Variants in ERCC5 observed in about 807,000 individuals in gnomAD.
The protein encoded by ERCC5 is DNA excision repair protein ERCC-5.
Under a neutral mutation model 105.6 loss-of-function variants are expected in ERCC5, and 68 were observed. The ratio of observed to expected loss-of-function variants is 0.64; its 90% CI spans 0.53 to 0.79. The LOEUF is 0.79. Among genes scored for constraint, ERCC5 ranks in the 30% least tolerant of loss-of-function variants. ERCC5 has a pLI of 0.00. For synonymous variants in ERCC5, 546 were observed against 526.2 expected (o/e 1.04, Z -0.51); for missense variants, 1,373 against 1,426.7 (o/e 0.96, Z 0.61).
chr13:102,866,376 A>T lies in ERCC5; in HGVS notation c.2314A>T (p.Ser772Cys). Residue 772 changes from serine to cysteine, a missense_variant, in exon 10 of 15, where the codon AGC becomes TGC. Around this residue, in one of 3 missense-constraint regions of ERCC5, gnomAD observed 1,004 missense variants for 1,059.7 expected, o/e 0.95. Transcript: ENST00000652225. ...ATVTGQMFLE[S>C]QELLRLFGIP... is the part of the protein sequence containing the mutation. Reference sequence around the variant, plus strand: ...TGTCACCGGACAGATGTTCCTGGAAAGCCAGGTGGGTGCAGGCAGCTTGGG... The same window carrying T: ...TGTCACCGGACAGATGTTCCTGGAATGCCAGGTGGGTGCAGGCAGCTTGGG... The T allele has an allele frequency of 6.2e-7, 1 of 1,614,144 alleles. No individual in the cohort carries two copies. Among genetic ancestry groups the T allele is most frequent in the Non-Finnish European group, 8.5e-7 (1 of 1,179,962 alleles).
intron 11 of ERCC5, 134 bp downstream of exon 11, chr13:102,866,979 A>T (rs575694471): frequency 1.1e-6 from 1 of 908,842 alleles, no homozygotes; most frequent in African/African-American, 1.7e-5. Flanking sequence ...TATATGAGTG[A>T]TCTTTGGCTT....
At chr13:102,864,272 T>C (rs1194291000) in intron 8 of ERCC5, among the ~76,000 whole-genome samples, 1 of 152,190 alleles carries the variant, frequency 6.6e-6, no homozygotes, top group Non-Finnish European at 1.5e-5. Context: ...TATATAAATA[T>C]GCTGTTCCTG....
chr13:102,875,196 C>T (rs1883169740), intron 14 of ERCC5, 111 bp from the exon 15 acceptor site: 1 of 1,220,758 alleles, frequency 8.2e-7, no homozygotes, highest in Non-Finnish European at 1.1e-6. Context: ...AATTAATATT[C>T]TCTGACATAG....
rs778806149 is a variant in ERCC5, at chr13:102,858,331, C to T, written c.585C>T (p.Ser195=). The change falls in exon 6 of 15, where the codon AGC becomes AGT. Residue 195 remains serine (S), a synonymous_variant. Coordinates refer to ENST00000652225, the MANE Select transcript of ERCC5 (RefSeq NM_000123.4). The part of the protein sequence containing the change: ...AIDIESEDFS[S]LPPEVKHEIL... The stretch of plus-strand genomic sequence containing the variant: ...ATATTGAGTCTGAGGACTTCAGCAG[C>T]CTGCCCCCTGAAGTAAAGCATGAAA... 1.2e-6 allele frequency: 2 copies of T among 1,614,110 alleles called. No individual in the cohort carries two copies. The highest frequency in any genetic ancestry group is 4.5e-5 in the East Asian group (2 of 44,862).
chr13:102,872,525 G>T lies in ERCC5; in HGVS notation c.2879+127G>T, dbSNP rs1038450421. 6.9e-6 allele frequency: 8 copies of T among 1,156,552 alleles called. No homozygotes were observed. The African/African-American group carries it at 1.1e-4, about 16-fold the overall frequency. The allele number at this position is 1,156,552 out of a possible 1,614,324, so 71.6% of individuals were successfully genotyped here. A position where few individuals can be genotyped will look rare whatever the true frequency, so the allele number is the denominator to read the frequency against. On this transcript the variant is annotated intron_variant, in intron 13 of 14. Transcript: ENST00000652225. ...GTTAATCCCATTTTCTTAATATCCC[G>T]CTCTCCTTTTCACTCTTTCTTCCCT...
Position 102,866,380 on chromosome 13 carries a change from A to G in ERCC5, c.2318A>G (p.Gln773Arg), listed in dbSNP as rs1369467420. Reference protein sequence around the residue: ...TVTGQMFLESQELLRLFGIPY... With the variant: ...TVTGQMFLESRELLRLFGIPY... ...ACCGGACAGATGTTCCTGGAAAGCC[A>G]GGTGGGTGCAGGCAGCTTGGGTTTC... The change falls in exon 10 of 15, where the codon CAG becomes CGG. Residue 773 changes from glutamine to arginine, a missense_variant and splice_region_variant. Transcript: ENST00000652225. 1 of 1,614,134 alleles carries G rather than the reference A, an allele frequency of 6.2e-7. No individual in the cohort carries two copies. Among genetic ancestry groups the G allele is most frequent in the South Asian group, 1.1e-5 (1 of 91,086 alleles).
At chr13:102,846,860 C>T (rs1384138277) in intron 1 of ERCC5, among the ~76,000 whole-genome samples, 2 of 152,184 alleles carry the variant, frequency 1.3e-5, no homozygotes, top group Non-Finnish European at 2.9e-5. Flanking sequence ...GTCTTAGCGG[C>T]CTGTGCATCC....
intron 1 of ERCC5, among the ~76,000 whole-genome samples, chr13:102,846,784 G>A (rs1468346112): frequency 1.3e-5 from 2 of 152,044 alleles, no homozygotes; most frequent in African/African-American, 4.8e-5. Context: ...TTTTTGATCC[G>A]TGGTAGGTTG....
Position 102,865,002 on chromosome 13 carries a change from T to A in ERCC5, c.1955-665T>A, listed in dbSNP as rs1054059433. On this transcript the variant is annotated intron_variant, in intron 8 of 14. Transcript: ENST00000652225. The surrounding 1 kb of genome is among the most constrained non-coding windows in gnomAD (Gnocchi z 4.0). ...TACATCTGCTTATTCTCCCTGGATA[T>A]GTAACCATCTCCCCCTCCCACTGGC... is the stretch of plus-strand genomic sequence containing the variant. The A allele has an allele frequency of 2.6e-5, 4 of 154,056 alleles. No homozygotes were observed. Among genetic ancestry groups the A allele is most frequent in the African/African-American group, 9.7e-5 (4 of 41,444 alleles). The allele number at this position is 154,056 out of a possible 1,614,324, so 9.5% of individuals were successfully genotyped here. A position where few individuals can be genotyped will look rare whatever the true frequency, so the allele number is the denominator to read the frequency against.
chr13:102,860,319 T>G (rs568971339), intron 6 of ERCC5, among the ~76,000 whole-genome samples: 1 of 152,332 alleles, frequency 6.6e-6, no homozygotes, highest in South Asian at 2.1e-4. Context: ...CTATCTGTGA[T>G]ATTGTGAAGA....
intron 6 of ERCC5, among the ~76,000 whole-genome samples, chr13:102,859,131 T>C (rs1882533021): frequency 6.6e-6 from 1 of 152,232 alleles, no homozygotes; most frequent in Admixed American, 6.5e-5. Flanking sequence ...TATTGATGAC[T>C]CCCTGTCTTA....
intron 6 of ERCC5, among the ~76,000 whole-genome samples, chr13:102,860,099 C>T (rs777326288): frequency 3.3e-5 from 5 of 152,040 alleles, no homozygotes; most frequent in Non-Finnish European, 5.9e-5. Flanking sequence ...TCAACTGTCG[C>T]GATATTGCAG....
At chr13:102,871,961 T>C (rs1883048224) in intron 12 of ERCC5, among the ~76,000 whole-genome samples, 1 of 152,202 alleles carries the variant, frequency 6.6e-6, no homozygotes, top group South Asian at 2.1e-4. Flanking sequence ...ATGGCTTGTG[T>C]GATGATTGGG....
chr13:102,846,127 G>T lies in ERCC5; in HGVS notation c.-140G>T. 1.5e-6 allele frequency: 1 copy of T among 667,766 alleles called. No individual in the cohort carries two copies. The highest frequency in any genetic ancestry group is 2.6e-6 in the Non-Finnish European group (1 of 380,678). The allele number at this position is 667,766 out of a possible 1,614,324, so 41.4% of individuals were successfully genotyped here. A position where few individuals can be genotyped will look rare whatever the true frequency, so the allele number is the denominator to read the frequency against. ...TAGTGCCGTCCCCCACTGGAAAACC[G>T]TGGCTTCTGTATTATTTGCCATCTT... On this transcript the variant is annotated 5_prime_UTR_variant, in exon 1 of 15. Coordinates refer to ENST00000652225, the MANE Select transcript of ERCC5 (RefSeq NM_000123.4).
rs1225959583 is a variant in ERCC5 at position 102,865,723 on chromosome 13, C to T, written c.2011C>T (p.Pro671Ser). ...TGATGAGGAACTTCAAGCAGAATTC[C>T]CTGAAACTTCCAAACCTCCCTCAGA... ...ISDEELQAEF[P>S]ETSKPPSEQG... The change falls in exon 9 of 15, where the codon CCT becomes TCT. Residue 671 changes from proline (P) to serine (S), a missense_variant. Pro to Ser is a moderately conservative substitution (Grantham distance 74, BLOSUM62 -1). Transcript: ENST00000652225. The surrounding 1 kb of genome is among the most constrained non-coding windows in gnomAD (Gnocchi z 4.0). 6.2e-7 allele frequency: 1 copy of T among 1,613,732 alleles called. No homozygotes were observed. The highest frequency in any genetic ancestry group is 8.5e-7 in the Non-Finnish European group (1 of 1,179,828).
intron 13 of ERCC5, 131 bp from the exon 14 acceptor site, chr13:102,873,128 C>T: frequency 9.5e-7 from 1 of 1,051,690 alleles, no homozygotes; most frequent in Non-Finnish European, 1.4e-6. Context: ...TCTTTTAGCA[C>T]TCTAATCTTT....
Position 102,862,171 on chromosome 13 carries a change from C to G in ERCC5, c.1022C>G (p.Ser341Cys). The G allele has an allele frequency of 6.2e-7, 1 of 1,614,222 alleles. No homozygotes were observed. The highest frequency in any genetic ancestry group is 2.2e-5 in the East Asian group (1 of 44,884). Residue 341 changes from serine (S) to cysteine (C), a missense_variant, in exon 8 of 15, where the codon TCT (serine) becomes TGT (cysteine). Around this residue, in one of 3 missense-constraint regions of ERCC5, gnomAD observed 1,004 missense variants for 1,059.7 expected, o/e 0.95. Coordinates refer to ENST00000652225, the MANE Select transcript of ERCC5 (RefSeq NM_000123.4). ...AAAGAGCCTGATGCTACCCCTCCTT[C>G]TCCAAGAACTTTACTAGCTATGCAA... Reference protein sequence around the residue: ...TEKEPDATPPSPRTLLAMQAA... With the variant: ...TEKEPDATPPCPRTLLAMQAA...
At chr13:102,869,654 A>G (rs1035699721) in intron 12 of ERCC5, among the ~76,000 whole-genome samples, 21 of 152,200 alleles carry the variant, frequency 1.4e-4, no homozygotes, top group African/African-American at 3.4e-4. Context: ...TTTTGCGTCT[A>G]TCAGGGCTAG....
In ERCC5 at chr13:102,861,729, C is replaced by G. The variant is rs752638758; in HGVS notation, c.880+15C>G. 4.3e-6 allele frequency: 7 copies of G among 1,613,798 alleles called. No homozygotes were observed. The East Asian group carries it at 1.6e-4, about 36-fold the overall frequency. ...CTTGATAAAAGGTATCAGGCACCATCATTTATATATTTACATTAAAAAATC... is the reference window on the plus strand; with the variant it reads ...CTTGATAAAAGGTATCAGGCACCATGATTTATATATTTACATTAAAAAATC... On this transcript the variant is annotated intron_variant, in intron 7 of 14. Transcript: ENST00000652225.
Sources: allele counts gnomAD v4.1 joint callset (sites outside exome capture counted in the v4.1 genomes callset), GRCh38; gene constraint gnomAD v4.1.1; regional missense constraint gnomAD v4.1.1; non-coding constraint Gnocchi (gnomAD v3.1); transcripts MANE v1.5; gene names NCBI Gene and HGNC (gene_info 2026-07-23, HGNC 2026-07-21).